The following CHRNA6 variants were observed in gnomAD, a reference collection of about 807,000 sequenced individuals.
The protein encoded by CHRNA6 is cholinergic receptor nicotinic alpha 6 subunit, also known as neuronal acetylcholine receptor subunit alpha-6.
Under a neutral mutation model 40.9 loss-of-function variants are expected in CHRNA6, and 31 were observed. That is an observed-to-expected ratio of 0.76 (90% confidence interval 0.57 to 1.02). The LOEUF is 1.02. Ranked by LOEUF, CHRNA6 falls within the 50% of genes least tolerant of loss-of-function variation. The pLI, the probability that CHRNA6 is intolerant of heterozygous loss-of-function variation, is 0.00. For missense variants in CHRNA6, 546 were observed against 596.6 expected (o/e 0.92, Z 0.88); for synonymous variants, 222 against 221.3 (o/e 1.00, Z -0.03).
rs1816795481 is a variant in CHRNA6 at position 42,756,145 on chromosome 8, C to T, written c.1054G>A (p.Val352Ile). ...KTVFLKLLPQ[V>I]LLMRWPLDKT... ...TCCAGAGGCCACCTCATCAGCAGGA[C>T]CTGGGGCAGCAGCTTCAGGAAAACT... Residue 352 changes from valine to isoleucine, a missense_variant, in exon 5 of 6, where the codon GTC (valine) becomes ATC (isoleucine). By Grantham distance (29) the Val-to-Ile change is conservative. Transcript: ENST00000276410. 1 of 1,614,264 alleles carries T rather than the reference C, an allele frequency of 6.2e-7. No individual in the cohort carries two copies. The highest frequency in any genetic ancestry group is 8.5e-7 in the Non-Finnish European group (1 of 1,180,052).
In CHRNA6 at chr8:42,765,274, T is replaced by C. The variant is rs561538653; in HGVS notation, c.80-70A>G. The C allele has an allele frequency of 6.4e-6, 10 of 1,552,692 alleles. No homozygotes were observed. The Admixed American group carries it at 6.9e-5, about 11-fold the overall frequency. On this transcript the variant is annotated intron_variant, in intron 1 of 5. Coordinates refer to ENST00000276410, the MANE Select transcript of CHRNA6 (RefSeq NM_004198.3). ...TGGCCACTGCAGCGATTCTAGGCAA[T>C]TCTTCCCGGGCCCTGTGGGGAGCGA...
chr8:42,759,428 G>T, intron 2 of CHRNA6: 2 of 257,468 alleles, frequency 7.8e-6, no homozygotes, highest in Non-Finnish European at 1.6e-5. Context: ...AGGAAGGAAA[G>T]AAAAGAAGAG....
At chr8:42,768,312 C>G in intron 1 of CHRNA6, 40 bp downstream of exon 1, 2 of 1,501,634 alleles carry the variant, frequency 1.3e-6, no homozygotes, top group Middle Eastern at 1.7e-4. Context: ...ACACATGTAG[C>G]TAAAAAGGGA....
intron 2 of CHRNA6, among the ~76,000 whole-genome samples, chr8:42,761,392 C>T (rs1161735493): frequency 6.6e-6 from 1 of 152,240 alleles, no homozygotes; most frequent in Non-Finnish European, 1.5e-5. Flanking sequence ...AATCCACTCA[C>T]TGTTGGTCAG....
chr8:42,764,255 G>A (rs1205630959), intron 2 of CHRNA6, among the ~76,000 whole-genome samples: 1 of 152,184 alleles, frequency 6.6e-6, no homozygotes, highest in Non-Finnish European at 1.5e-5. Context: ...ATGAAATTAA[G>A]ATCCTCAAAT....
At chr8:42,759,863 G>A (rs1816869984) in intron 2 of CHRNA6, among the ~76,000 whole-genome samples, 2 of 145,220 alleles carry the variant, frequency 1.4e-5, no homozygotes, top group African/African-American at 2.6e-5. Flanking sequence ...TCGTGCCACT[G>A]TACTCCAGCC....
chr8:42,764,906 T>TA, intron 2 of CHRNA6, 159 bp downstream of exon 2: 1 of 705,434 alleles, frequency 1.4e-6, no homozygotes, highest in Non-Finnish European at 2.3e-6. Context: ...CACAGACAGT[T>TA]ACAGCATTGG....
chr8:42,755,406 A>G (rs530054305), intron 5 of CHRNA6, among the ~76,000 whole-genome samples: 1 of 152,062 alleles, frequency 6.6e-6, no homozygotes, highest in South Asian at 2.1e-4. Flanking sequence ...CCTCCCAAGT[A>G]GTTGGGATTA....
At position 42,768,543 on chromosome 8, in the gene CHRNA6, C is replaced by T. The variant is rs115773120; in HGVS notation, c.-113G>A. Reference sequence around the variant, plus strand: ...ACATCATCAGAAGCCCACTGCAATCCGTGTGTGTCTTCTCAGAAATCAAAA... The same window carrying T: ...ACATCATCAGAAGCCCACTGCAATCTGTGTGTGTCTTCTCAGAAATCAAAA... On this transcript the variant is annotated 5_prime_UTR_variant, in exon 1 of 6. Coordinates refer to ENST00000276410, the MANE Select transcript of CHRNA6 (RefSeq NM_004198.3). 2,984 of 703,818 alleles carry T rather than the reference C, an allele frequency of 4.2e-3. 53 individuals carry two copies. The African/African-American group carries it at 0.046, about 11-fold the overall frequency. 43.6% of individuals were successfully genotyped at this position (703,818 alleles called of 1,614,324 possible).
chr8:42,760,558 ACT>A (rs377034093), intron 2 of CHRNA6, among the ~76,000 whole-genome samples: 37 of 151,364 alleles, frequency 2.4e-4, no homozygotes, highest in East Asian at 7.8e-4. Flanking sequence ...ACTCAGGCAC[ACT>A]CACACAGTCA....
chr8:42,754,067 G>A (rs1458837743), intron 5 of CHRNA6, among the ~76,000 whole-genome samples: 2 of 152,172 alleles, frequency 1.3e-5, no homozygotes. Context: ...GCCATGGAGA[G>A]CTGGTTGTGT....
intron 2 of CHRNA6, among the ~76,000 whole-genome samples, chr8:42,761,595 G>A (rs1229530438): frequency 6.6e-6 from 1 of 152,242 alleles, no homozygotes; most frequent in Admixed American, 6.5e-5. Context: ...TATGGACATG[G>A]CCCATGGGGA....
At chr8:42,755,799 G>A in intron 5 of CHRNA6, 47 bp downstream of exon 5, 1 of 1,574,550 alleles carries the variant, frequency 6.4e-7, no homozygotes, top group Non-Finnish European at 8.6e-7. Context: ...AGTGCCCATA[G>A]GCTGCAAAGG....
At chr8:42,758,723 A>G (rs941884857) in intron 3 of CHRNA6, among the ~76,000 whole-genome samples, 11 of 152,160 alleles carry the variant, frequency 7.2e-5, no homozygotes, top group African/African-American at 2.7e-4. Context: ...AATCTCATGT[A>G]CATGCTCCCA....
Position 42,765,109 on chromosome 8 carries a change from C to G in CHRNA6, c.175G>C (p.Val59Leu). ...ATGGCCACTTCAAAGTGTACCGTGA[C>G]AGGGTCGGAAACGTTTTCCACAGGC... ...IRPVENVSDP[V>L]TVHFEVAITQ... Residue 59 changes from valine to leucine, a missense_variant, in exon 2 of 6, where the codon GTC becomes CTC. Around this residue, in one of 3 missense-constraint regions of CHRNA6, gnomAD observed 476 missense variants for 494.5 expected, o/e 0.96. Transcript: ENST00000276410. 1.2e-6 allele frequency: 2 copies of G among 1,614,216 alleles called. No individual in the cohort carries two copies. Among genetic ancestry groups the G allele is most frequent in the Non-Finnish European group, 8.5e-7 (1 of 1,180,036 alleles).
At chr8:42,768,076 T>A (rs1055668544) in intron 1 of CHRNA6, among the ~76,000 whole-genome samples, 1 of 152,094 alleles carries the variant, frequency 6.6e-6, no homozygotes, top group African/African-American at 2.4e-5. Flanking sequence ...ACAGGGGAGA[T>A]GAATAGAAAA....
chr8:42,753,229 T>G lies in CHRNA6; in HGVS notation c.1435A>C (p.Thr479Pro). 1 of 1,612,088 alleles carries G rather than the reference T, an allele frequency of 6.2e-7. No homozygotes were observed. The highest frequency in any genetic ancestry group is 8.5e-7 in the Non-Finnish European group (1 of 1,179,102). ...WVFIIVCVFG[T>P]AGLFLQPLLG... is the part of the protein sequence containing the mutation. Reference sequence around the variant, plus strand: ...AGTGGCTGTAGAAATAGCCCTGCAGTTCCAAATACACAGACAATTATAAAT... The same window carrying G: ...AGTGGCTGTAGAAATAGCCCTGCAGGTCCAAATACACAGACAATTATAAAT... Residue 479 changes from threonine (T) to proline (P), a missense_variant, in exon 6 of 6, where the codon ACT (threonine) becomes CCT (proline). By Grantham distance (38) the Thr-to-Pro change is conservative. This residue lies in a region of CHRNA6 where 65 missense variants were observed against 83.8 expected (regional missense o/e 0.78). Coordinates refer to ENST00000276410, the MANE Select transcript of CHRNA6 (RefSeq NM_004198.3).
intron 1 of CHRNA6, 93 bp from the exon 2 acceptor site, chr8:42,765,297 C>T (rs899119726): frequency 6.5e-6 from 9 of 1,395,092 alleles, no homozygotes; most frequent in East Asian, 2.3e-5. Flanking sequence ...CTGTGGGGAG[C>T]GAATGTCCCA....
intron 5 of CHRNA6, 74 bp downstream of exon 5, chr8:42,755,772 T>C (rs1816788402): frequency 1.3e-6 from 2 of 1,507,670 alleles, no homozygotes; most frequent in Non-Finnish European, 1.8e-6. Flanking sequence ...ACACTGAAGG[T>C]CTGACTGTGC....
Sources: gnomAD v4.1 joint callset for allele counts (sites outside exome capture counted in the v4.1 genomes callset) on GRCh38, gnomAD v4.1.1 for gene constraint, gnomAD v4.1.1 regional missense constraint, MANE v1.5 for transcripts, NCBI Gene and HGNC (gene_info 2026-07-23, HGNC 2026-07-21) for gene names.